Variants in SH2D2A observed in about 807,000 individuals in gnomAD.
The protein encoded by SH2D2A is SH2 domain containing 2A.
A neutral mutation model predicts 43.6 loss-of-function variants in SH2D2A; 33 were observed. That is an observed-to-expected ratio of 0.76 (90% CI 0.57 to 1.01). SH2D2A has a LOEUF of 1.01. Among genes scored for constraint, SH2D2A ranks in the 50% least tolerant of loss-of-function variants. The pLI is 0.00. For synonymous variants in SH2D2A, 212 were observed against 206.1 expected (o/e 1.03, Z -0.25); for missense variants, 491 against 503.1 (o/e 0.98, Z 0.23).
In SH2D2A at chr1:156,814,027, C is replaced by T; in HGVS notation, c.399-11G>A. ...CAGCAAGTCCGGCTCCTGGAGGGCGCCGTTAGGGATCAGACTATCTCCCGC... is the reference window on the plus strand; with the variant it reads ...CAGCAAGTCCGGCTCCTGGAGGGCGTCGTTAGGGATCAGACTATCTCCCGC... On this transcript the variant is annotated splice_polypyrimidine_tract_variant and intron_variant, in intron 4 of 8. Transcript: ENST00000368199. 1 of 1,500,098 alleles carries T rather than the reference C, an allele frequency of 6.7e-7. No individual in the cohort carries two copies. The highest frequency in any genetic ancestry group is 8.9e-7 in the Non-Finnish European group (1 of 1,123,554). The allele number at this position is 1,500,098 out of a possible 1,614,324, so 92.9% of individuals were successfully genotyped here. A position where few individuals can be genotyped will look rare whatever the true frequency, so the allele number is the denominator to read the frequency against.
chr1:156,814,280 A>G lies in SH2D2A; in HGVS notation c.323T>C (p.Leu108Pro). The change falls in exon 4 of 9, where the codon CTG (leucine) becomes CCG (proline). Residue 108 changes from leucine (L) to proline (P), a missense_variant. Coordinates refer to ENST00000368199, the MANE Select transcript of SH2D2A (RefSeq NM_003975.4). The part of the protein sequence containing the change: ...GFITRREAER[L>P]LEPKPQGCYL... The stretch of plus-strand genomic sequence containing the variant: ...GCACCCCTGAGGCTTGGGCTCCAGC[A>G]GCCTCTCTGCCTCCCTGTGGGTGAC... 6.2e-7 allele frequency: 1 copy of G among 1,613,828 alleles called. No homozygotes were observed. Among genetic ancestry groups the G allele is most frequent in the Non-Finnish European group, 8.5e-7 (1 of 1,179,936 alleles).
rs1166399186 is a variant in SH2D2A, at chr1:156,807,273, G to A, written c.1075C>T (p.Pro359Ser). Residue 359 changes from proline (P) to serine (S), a missense_variant, in exon 8 of 9, where the codon CCA becomes TCA. Pro to Ser is a moderately conservative substitution (Grantham distance 74, BLOSUM62 -1). Coordinates refer to ENST00000368199, the MANE Select transcript of SH2D2A (RefSeq NM_003975.4). The surrounding 1 kb of genome is among the most constrained non-coding windows in gnomAD (Gnocchi z 5.1). ...GQGPPLPHQPPPAWRHTLPHN... is the reference protein window; with the variant it reads ...GQGPPLPHQPSPAWRHTLPHN... ...GGGAGGGTGTGTCTCCAGGCGGGTG[G>A]GGGCTGGTGGGGCAGGGGAGGGCCT... The A allele has an allele frequency of 1.9e-6, 3 of 1,599,192 alleles. No homozygotes were observed. The highest frequency in any genetic ancestry group is 2.5e-6 in the Non-Finnish European group (3 of 1,176,556).
At chr1:156,814,447 T>A in intron 3 of SH2D2A, 153 bp from the exon 4 acceptor site, 1 of 1,360,688 alleles carries the variant, frequency 7.3e-7, no homozygotes, top group South Asian at 1.5e-5. Context: ...AGAGAGCACG[T>A]GGGCGCTGCT....
rs149002806 is a variant in SH2D2A at position 156,809,079 on chromosome 1, C to T, written c.1002+124G>A. 3.4e-4 allele frequency: 339 copies of T among 997,334 alleles called. 3 individuals carry two copies. The African/African-American group carries it at 5.1e-3, about 15-fold the overall frequency. The allele number at this position is 997,334 out of a possible 1,614,324, so 61.8% of individuals were successfully genotyped here. Reference sequence around the variant, plus strand: ...TGCCTGGATCATTCTGTTCTTCCCACATCACCTCACACCTCTGCCCCTTAC... The same window carrying T: ...TGCCTGGATCATTCTGTTCTTCCCATATCACCTCACACCTCTGCCCCTTAC... On this transcript the variant is annotated intron_variant, in intron 7 of 8. Coordinates refer to ENST00000368199, the MANE Select transcript of SH2D2A (RefSeq NM_003975.4). The surrounding 1 kb of genome is among the most constrained non-coding windows in gnomAD (Gnocchi z 4.8).
intron 7 of SH2D2A, among the ~76,000 whole-genome samples, chr1:156,808,299 CAGG>C: frequency 6.6e-6 from 1 of 152,096 alleles, no homozygotes. Flanking sequence ...AGTTAGCAAT[CAGG>C]ACAGTGAACA....
At position 156,809,932 on chromosome 1, in the gene SH2D2A, C is replaced by T; in HGVS notation, c.568-125G>A. ...AAGGGGGAGGAGCACAGAAATTTGG[C>T]CTGGGCTGGGTTCCCTGGATGAGGA... On this transcript the variant is annotated intron_variant, in intron 5 of 8. Coordinates refer to ENST00000368199, the MANE Select transcript of SH2D2A (RefSeq NM_003975.4). The surrounding 1 kb of genome is among the most constrained non-coding windows in gnomAD (Gnocchi z 4.8). 9.0e-7 allele frequency: 1 copy of T among 1,113,898 alleles called. No individual in the cohort carries two copies. The highest frequency in any genetic ancestry group is 1.3e-6 in the Non-Finnish European group (1 of 770,896). 69.0% of individuals were successfully genotyped at this position (1,113,898 alleles called of 1,614,324 possible).
chr1:156,814,865 T>C (rs1375547198), intron 3 of SH2D2A, 172 bp downstream of exon 3: 9 of 512,160 alleles, frequency 1.8e-5, no homozygotes, highest in Non-Finnish European at 2.4e-5. Context: ...CCTGGAGAGA[T>C]GCCTCAGTGA....
In SH2D2A at chr1:156,816,562, G is replaced by T. The variant is rs568019826; in HGVS notation, c.34+113C>A. On this transcript the variant is annotated intron_variant, in intron 1 of 8. Transcript: ENST00000368199. ...CTGCCAATCAGCTTTGCCAGCTCTGGCTTAGGGTGGGGCCCCTCATCCCTG... is the reference window on the plus strand; with the variant it reads ...CTGCCAATCAGCTTTGCCAGCTCTGTCTTAGGGTGGGGCCCCTCATCCCTG... 8.8e-6 allele frequency: 9 copies of T among 1,027,002 alleles called. No individual in the cohort carries two copies. The African/African-American group carries it at 1.1e-4, about 13-fold the overall frequency. The allele number at this position is 1,027,002 out of a possible 1,614,324, so 63.6% of individuals were successfully genotyped here. A position where few individuals can be genotyped will look rare whatever the true frequency, so the allele number is the denominator to read the frequency against.
Position 156,809,575 on chromosome 1 carries a change from C to T in SH2D2A, c.715-85G>A, listed in dbSNP as rs1653247844. The T allele has an allele frequency of 6.4e-7, 1 of 1,552,354 alleles. No homozygotes were observed. Among genetic ancestry groups the T allele is most frequent in the South Asian group, 1.2e-5 (1 of 81,000 alleles). On this transcript the variant is annotated intron_variant, in intron 6 of 8. Coordinates refer to ENST00000368199, the MANE Select transcript of SH2D2A (RefSeq NM_003975.4). The surrounding 1 kb of genome is among the most constrained non-coding windows in gnomAD (Gnocchi z 4.8). ...GCCTAACTCCCAGCCTGAGCCTCTG[C>T]CCCCGCTAGGCCCCTCCTCCTCCCC...
Position 156,809,162 on chromosome 1 carries a change from G to A in SH2D2A, c.1002+41C>T. The A allele has an allele frequency of 1.9e-6, 3 of 1,555,866 alleles. No individual in the cohort carries two copies. Among genetic ancestry groups the A allele is most frequent in the Non-Finnish European group, 2.6e-6 (3 of 1,148,186 alleles). On this transcript the variant is annotated intron_variant, in intron 7 of 8. Transcript: ENST00000368199. This position sits in a 1 kb window ranked among gnomAD's most constrained non-coding sequence, Gnocchi z 4.8. ...TCACCTTCCCCCATCTACCTGCAGG[G>A]AGACCTTCTTGCACCTACCTTTCCC... is the stretch of plus-strand genomic sequence containing the variant.
rs759748992 is a variant in SH2D2A, at chr1:156,809,538, G to A, written c.715-48C>T. 2.6e-6 allele frequency: 4 copies of A among 1,559,822 alleles called. No homozygotes were observed. The African/African-American group carries it at 5.4e-5, about 21-fold the overall frequency. On this transcript the variant is annotated intron_variant, in intron 6 of 8. Coordinates refer to ENST00000368199, the MANE Select transcript of SH2D2A (RefSeq NM_003975.4). The surrounding 1 kb of genome is among the most constrained non-coding windows in gnomAD (Gnocchi z 4.8). ...GGAGGAGTGGGGTGAGGGAGGCAGG[G>A]TTAAAGCCCCAGCCTAACTCCCAGC...
chr1:156,813,728 T>C, intron 5 of SH2D2A, 120 bp downstream of exon 5: 2 of 961,130 alleles, frequency 2.1e-6, no homozygotes, highest in Non-Finnish European at 2.8e-6. Context: ...AAGGGAGGCA[T>C]GCCCGAGTGG....
rs202173290 is a variant in SH2D2A at position 156,816,617 on chromosome 1, CA to C, written c.34+57del. 2,229 of 1,557,186 alleles carry C rather than the reference CA, an allele frequency of 1.4e-3. 10 individuals carry two copies. The African/African-American group carries it at 0.021, about 15-fold the overall frequency. On this transcript the variant is annotated intron_variant, in intron 1 of 8. Transcript: ENST00000368199. The stretch of plus-strand genomic sequence containing the variant: ...GGGAGCTCAAGCCCAGGAGGGAGGG[CA>C]GGGGGATGGGGGTCTTTGTGCCCCC...
intron 4 of SH2D2A, 37 bp downstream of exon 4, chr1:156,814,168 C>T (rs1332250238): frequency 1.9e-6 from 3 of 1,611,670 alleles, no homozygotes; most frequent in Middle Eastern, 1.7e-4. Flanking sequence ...TCCCGAGCCC[C>T]GCCTTGTGTC....
intron 2 of SH2D2A, chr1:156,815,569 G>A: frequency 1.6e-6 from 1 of 612,502 alleles, no homozygotes; most frequent in Non-Finnish European, 2.9e-6. Flanking sequence ...CATGATGCAG[G>A]AAGTCACCCT....
In SH2D2A at chr1:156,807,983, T is replaced by A. The variant is rs1262301770; in HGVS notation, c.1003-638A>T. On this transcript the variant is annotated intron_variant, in intron 7 of 8. Coordinates refer to ENST00000368199, the MANE Select transcript of SH2D2A (RefSeq NM_003975.4). This position sits in a 1 kb window ranked among gnomAD's most constrained non-coding sequence, Gnocchi z 5.1. ...CAGAGTGGATCAGAAGTGGCAAGAA[T>A]GGTGGTTAGGAAACCAGTTAAGAAG... Among the ~76,000 whole-genome samples, 1 of 152,110 alleles carries A rather than the reference T, an allele frequency of 6.6e-6. No homozygotes were observed. Among genetic ancestry groups the A allele is most frequent in the African/African-American group, 2.4e-5 (1 of 41,404 alleles).
chr1:156,811,400 C>T (rs1653408932), intron 5 of SH2D2A, among the ~76,000 whole-genome samples: 1 of 152,186 alleles, frequency 6.6e-6, no homozygotes, highest in Non-Finnish European at 1.5e-5. Flanking sequence ...CCCATTGCCC[C>T]AGAATAAGTC....
rs948606708 is a variant in SH2D2A at position 156,809,563 on chromosome 1, C to A, written c.715-73G>T. 110 of 1,554,324 alleles carry A rather than the reference C, an allele frequency of 7.1e-5. No homozygotes were observed. Among genetic ancestry groups the A allele is most frequent in the Non-Finnish European group, 9.2e-5 (106 of 1,150,846 alleles). ...GTTAAAGCCCCAGCCTAACTCCCAGCCTGAGCCTCTGCCCCCGCTAGGCCC... is the reference window on the plus strand; with the variant it reads ...GTTAAAGCCCCAGCCTAACTCCCAGACTGAGCCTCTGCCCCCGCTAGGCCC... On this transcript the variant is annotated intron_variant, in intron 6 of 8. Transcript: ENST00000368199. This position sits in a 1 kb window ranked among gnomAD's most constrained non-coding sequence, Gnocchi z 4.8.
rs775284911 is a variant in SH2D2A at position 156,815,980 on chromosome 1, C to T, written c.123+26G>A. The T allele has an allele frequency of 7.4e-6, 12 of 1,611,368 alleles. No individual in the cohort carries two copies. In the East Asian group the frequency reaches 8.9e-5, roughly 12 times the overall value. ...TGGGAGAGATGAGGGAGCTGCACCA[C>T]GCTGCCGCCCCAGGTTTCCACTCAC... On this transcript the variant is annotated intron_variant, in intron 2 of 8. Transcript: ENST00000368199.
Sources: allele counts gnomAD v4.1 joint callset (sites outside exome capture counted in the v4.1 genomes callset), GRCh38; gene constraint gnomAD v4.1.1; non-coding constraint Gnocchi (gnomAD v3.1); transcripts MANE v1.5; gene names NCBI Gene and HGNC (gene_info 2026-07-23, HGNC 2026-07-21).